TULP2: variants seen among roughly 807,000 people sequenced by gnomAD.
TULP2 encodes the protein tubby-related protein 2.
In TULP2, 64 loss-of-function variants were observed where a neutral mutation model predicts 60.3. The observed-to-expected ratio is 1.06, with a 90% CI of 0.87 to 1.31. The LOEUF (loss-of-function observed/expected upper bound fraction) is 1.31, where lower values mean the gene tolerates loss of function less well. Ranked by LOEUF, TULP2 falls within the 50% of genes most tolerant of loss-of-function variation. The pLI is 0.00. For missense variants in TULP2, 652 were observed against 667.0 expected (o/e 0.98, Z 0.25); for synonymous variants, 267 against 265.4 (o/e 1.01, Z -0.06).
chr19:48,898,220 TG>T (rs1196747339), intron 1 of TULP2: 1 of 157,280 alleles, frequency 6.4e-6, no homozygotes, highest in Non-Finnish European at 1.4e-5. Context: ...CTGCCCGCCT[TG>T]GCCTTCCAAA....
intron 7 of TULP2, 89 bp from the exon 8 acceptor site, chr19:48,888,350 G>A (rs537852267): frequency 1.0e-5 from 14 of 1,352,570 alleles, no homozygotes; most frequent in Admixed American, 7.9e-5. Context: ...CTAGGGTCCC[G>A]CCCTTGCCCA....
In TULP2 at chr19:48,883,975, C is replaced by T. The variant is rs753408375; in HGVS notation, c.1133G>A (p.Arg378Lys). 1 of 1,614,120 alleles carries T rather than the reference C, an allele frequency of 6.2e-7. No homozygotes were observed. Among genetic ancestry groups the T allele is most frequent in the Admixed American group, 1.7e-5 (1 of 60,006 alleles). ...CTCCTGTCTGATCCGGGCAGTATTC[C>T]TGGTTAAATGCTCCCGGTCAGGATT... The part of the protein sequence containing the change: ...GVNPDREHLT[R>K]NTARIRQELG... The change falls in exon 10 of 13, where the codon AGG (arginine) becomes AAG (lysine). Residue 378 changes from arginine (R) to lysine (K), a missense_variant. By Grantham distance (26) the Arg-to-Lys change is conservative (BLOSUM62 2). Transcript: ENST00000221399.
intron 6 of TULP2, among the ~76,000 whole-genome samples, chr19:48,891,042 CG>C (rs1568574113): frequency 1.3e-5 from 2 of 148,916 alleles, no homozygotes; most frequent in African/African-American, 4.9e-5. Flanking sequence ...TGGCCGGGCA[CG>C]GTGGCTCACG....
intron 4 of TULP2, among the ~76,000 whole-genome samples, chr19:48,895,903 G>C (rs1341912356): frequency 6.6e-6 from 1 of 152,044 alleles, no homozygotes; most frequent in Admixed American, 6.6e-5. Context: ...AAATCACCCT[G>C]TTTCGCGGAC....
intron 6 of TULP2, among the ~76,000 whole-genome samples, chr19:48,891,110 C>A (rs1208498801): frequency 1.4e-5 from 2 of 146,278 alleles, no homozygotes; most frequent in African/African-American, 2.6e-5. Flanking sequence ...GTCAGGAGAT[C>A]GAGACCATCC....
At chr19:48,890,553 TCCACCTAACGAAC>T (rs1568573879) in intron 6 of TULP2, among the ~76,000 whole-genome samples, 1 of 152,222 alleles carries the variant, frequency 6.6e-6, no homozygotes, top group African/African-American at 2.4e-5. Context: ...AGTCTCTCGT[TCCACCTAACGAAC>T]CCACAGGTGT....
chr19:48,888,215 G>A lies in TULP2; in HGVS notation c.683C>T (p.Thr228Met), dbSNP rs749064265. 39 of 1,610,784 alleles carry A rather than the reference G, an allele frequency of 2.4e-5. No individual in the cohort carries two copies. The highest frequency in any genetic ancestry group is 3.3e-5 in the Admixed American group (2 of 59,912). ...TTCGTTGTGTGCTGCTGAGGAGTTC[G>A]TCCCTGTAGACTCAGAGGCCTCTCT... Reference protein sequence around the residue: ...KKREASESTGTNSSAAHNEEL... With the variant: ...KKREASESTGMNSSAAHNEEL... Residue 228 changes from threonine (T) to methionine (M), a missense_variant, in exon 8 of 13, where the codon ACG becomes ATG. By Grantham distance (81) the Thr-to-Met change is moderately conservative. Transcript: ENST00000221399.
chr19:48,881,174 C>G, intron 12 of TULP2, 48 bp from the exon 13 acceptor site: 2 of 1,268,110 alleles, frequency 1.6e-6, no homozygotes, highest in East Asian at 2.4e-5. Context: ...CTCTCATCTC[C>G]CAGCTTCGAG....
At chr19:48,891,305 C>CA (rs2037230725) in intron 6 of TULP2, among the ~76,000 whole-genome samples, 1 of 119,138 alleles carries the variant, frequency 8.4e-6, no homozygotes, top group Admixed American at 1.0e-4. Context: ...GCCTGGGCAA[C>CA]AGGGCGAGAC....
rs777842721 is a variant in TULP2, at chr19:48,897,353, CCAGCTTCTG to C, written c.67_75del (p.Gln23_Leu25del). 2 of 1,613,702 alleles carry C rather than the reference CCAGCTTCTG, an allele frequency of 1.2e-6. No individual in the cohort carries two copies. The highest frequency in any genetic ancestry group is 2.2e-5 in the South Asian group (2 of 90,948). On this transcript the variant is annotated inframe_deletion, in exon 3 of 13. Coordinates refer to ENST00000221399, the MANE Select transcript of TULP2 (RefSeq NM_003323.3). The surrounding 1 kb of genome is among the most constrained non-coding windows in gnomAD (Gnocchi z 4.0). ...ATTCCTGGGCACAATACCTGCTGTT[CCAGCTTCTG>C]CAGCCTCATAGCAGCGAGCTCATGC... is the stretch of plus-strand genomic sequence containing the variant.
intron 11 of TULP2, 86 bp from the exon 12 acceptor site, chr19:48,882,289 C>T (rs762644666): frequency 3.4e-6 from 5 of 1,475,540 alleles, no homozygotes; most frequent in South Asian, 2.4e-5. Context: ...TGAACAGGGG[C>T]GACTCCATCT....
chr19:48,893,720 AT>A (rs1233968697), intron 6 of TULP2, among the ~76,000 whole-genome samples: 1 of 151,856 alleles, frequency 6.6e-6, no homozygotes, highest in Non-Finnish European at 1.5e-5. Flanking sequence ...CGCCCAGCTA[AT>A]TTTTGTATTT....
At chr19:48,881,467 C>T (rs1280311908) in intron 12 of TULP2, among the ~76,000 whole-genome samples, 1 of 150,614 alleles carries the variant, frequency 6.6e-6, no homozygotes, top group East Asian at 2.0e-4. Context: ...CTGCAAGCTC[C>T]GCCTCCCGGG....
rs2037296497 is a variant in TULP2, at chr19:48,897,858, T to A, written c.11A>T (p.Asp4Val). ...TCACTCTCTCATCAATGTGTCATTA[T>A]CCTGAGACATTCTGCAGAAGCAAGA... MSQDNDTLMRDILG... is the reference protein window; with the variant it reads MSQVNDTLMRDILG... Residue 4 changes from aspartate (D) to valine (V), a missense_variant, in exon 2 of 13, where the codon GAT (aspartate) becomes GTT (valine). Transcript: ENST00000221399. This position sits in a 1 kb window ranked among gnomAD's most constrained non-coding sequence, Gnocchi z 4.0. 1 of 1,613,408 alleles carries A rather than the reference T, an allele frequency of 6.2e-7. No homozygotes were observed. Among genetic ancestry groups the A allele is most frequent in the South Asian group, 1.1e-5 (1 of 90,948 alleles).
intron 6 of TULP2, among the ~76,000 whole-genome samples, chr19:48,893,902 T>A (rs2037255507): frequency 6.6e-6 from 1 of 152,156 alleles, no homozygotes; most frequent in Non-Finnish European, 1.5e-5. Context: ...TAAAATTGAT[T>A]GTGGTGACGG....
At chr19:48,885,357 G>T (rs1370641858) in intron 9 of TULP2, 91 bp downstream of exon 9, 1 of 1,032,850 alleles carries the variant, frequency 9.7e-7, no homozygotes, top group Non-Finnish European at 1.5e-6. Context: ...GCAGGTGGAA[G>T]GTATGCTCTG....
rs1223156626 is a variant in TULP2, at chr19:48,882,094, T to C, written c.1385A>G (p.Asn462Ser). The C allele has an allele frequency of 2.5e-6, 4 of 1,614,080 alleles. No homozygotes were observed. The highest frequency in any genetic ancestry group is 2.5e-6 in the Non-Finnish European group (3 of 1,180,032). ...AGCCCGAGTGACTCGACCATGGAAA[T>C]TGAGCGTGTAGACACCGTTCTCCTT... ...WDKENGVYTL[N>S]FHGRVTRASV... The change falls in exon 12 of 13, where the codon AAT becomes AGT. Residue 462 changes from asparagine (N) to serine (S), a missense_variant. Transcript: ENST00000221399.
At chr19:48,883,880 G>A in intron 10 of TULP2, 28 bp from the exon 11 acceptor site, 1 of 1,613,880 alleles carries the variant, frequency 6.2e-7, no homozygotes, top group Non-Finnish European at 8.5e-7. Flanking sequence ...CAGTTGGCCT[G>A]GTTCCTTCTT....
Position 48,882,211 on chromosome 19 carries a change from GT to G in TULP2, c.1276-9del. 1.9e-6 allele frequency: 3 copies of G among 1,613,938 alleles called. No homozygotes were observed. In the South Asian group the frequency reaches 3.3e-5, roughly 18 times the overall value. The stretch of plus-strand genomic sequence containing the variant: ...CAGTAGCGACTCCTGTTCCTAGAAG[GT>G]AAAGAAGGGGCTGTGGTTTTCTCAG... On this transcript the variant is annotated splice_polypyrimidine_tract_variant and intron_variant, in intron 11 of 12. Coordinates refer to ENST00000221399, the MANE Select transcript of TULP2 (RefSeq NM_003323.3).
Sources: gnomAD v4.1 joint callset for allele counts (sites outside exome capture counted in the v4.1 genomes callset) on GRCh38, gnomAD v4.1.1 for gene constraint, Gnocchi (gnomAD v3.1) non-coding constraint, MANE v1.5 for transcripts, NCBI Gene and HGNC (gene_info 2026-07-23, HGNC 2026-07-21) for gene names.